Variants in OSTF1 observed in about 807,000 individuals in gnomAD.
OSTF1 encodes osteoclast stimulating factor 1.
OSTF1 carries 27 observed loss-of-function variants against 37.2 expected under a neutral mutation model. The observed-to-expected ratio is 0.73, with a 90% CI of 0.54 to 1.00. The LOEUF (loss-of-function observed/expected upper bound fraction) is 1.00. Among genes scored for constraint, OSTF1 ranks in the 50% least tolerant of loss-of-function variants. The pLI is 0.00. For synonymous variants in OSTF1, 82 were observed against 89.2 expected (o/e 0.92, Z 0.46); for missense variants, 232 against 253.8 (o/e 0.91, Z 0.58).
Position 75,140,860 on chromosome 9 carries a change from G to C in OSTF1, c.514G>C (p.Glu172Gln). 6.2e-7 allele frequency: 1 copy of C among 1,613,608 alleles called. No homozygotes were observed. Among genetic ancestry groups the C allele is most frequent in the South Asian group, 1.1e-5 (1 of 91,056 alleles). Residue 172 changes from glutamate to glutamine, a missense_variant, in exon 9 of 10, where the codon GAG (glutamate) becomes CAG (glutamine). By Grantham distance (29) the Glu-to-Gln change is conservative (BLOSUM62 2). Transcript: ENST00000346234. ...TGCTAGAACAGACTTAAGAAACATT[G>C]AGAAGAAGCTGGCCTTCGACATGGC... ...KGARTDLRNI[E>Q]KKLAFDMATN... is the part of the protein sequence containing the mutation.
intron 9 of OSTF1, among the ~76,000 whole-genome samples, chr9:75,142,420 G>A (rs1346383820): frequency 6.6e-6 from 1 of 152,152 alleles, no homozygotes; most frequent in Non-Finnish European, 1.5e-5. Context: ...CCTGTTGTGT[G>A]GCTACCCTTA....
chr9:75,120,913 C>T (rs949173869), intron 2 of OSTF1, among the ~76,000 whole-genome samples: 9 of 152,184 alleles, frequency 5.9e-5, no homozygotes, highest in African/African-American at 1.9e-4. Context: ...TTAAATACTT[C>T]CTCTTCTGTA....
chr9:75,117,866 T>C (rs538478176), intron 2 of OSTF1, among the ~76,000 whole-genome samples: 1 of 152,366 alleles, frequency 6.6e-6, no homozygotes, highest in African/African-American at 2.4e-5. Context: ...CATACTAACC[T>C]TCCTTCATTC....
At chr9:75,132,679 A>T (rs565073897) in intron 5 of OSTF1, among the ~76,000 whole-genome samples, 1 of 152,314 alleles carries the variant, frequency 6.6e-6, no homozygotes, top group East Asian at 1.9e-4. Flanking sequence ...GAATGTACAC[A>T]AGGAAATTAT....
intron 4 of OSTF1, 77 bp from the exon 5 acceptor site, chr9:75,131,693 G>A (rs1825762526): frequency 9.7e-7 from 1 of 1,033,218 alleles, no homozygotes; most frequent in Non-Finnish European, 1.5e-6. Flanking sequence ...CTGGGGGACT[G>A]TGGTGAATGA....
chr9:75,110,180 T>C (rs1825359675), intron 1 of OSTF1, among the ~76,000 whole-genome samples: 1 of 152,174 alleles, frequency 6.6e-6, no homozygotes, highest in African/African-American at 2.4e-5. Flanking sequence ...GCAGTGATAC[T>C]CTAATAAACC....
intron 9 of OSTF1, among the ~76,000 whole-genome samples, chr9:75,141,950 G>A (rs1825951339): frequency 6.6e-6 from 1 of 151,988 alleles, no homozygotes; most frequent in Non-Finnish European, 1.5e-5. Context: ...GTCTTGCCAT[G>A]TTGTCCAGGT....
At chr9:75,098,407 C>T (rs899587145) in intron 1 of OSTF1, among the ~76,000 whole-genome samples, 5 of 152,138 alleles carry the variant, frequency 3.3e-5, no homozygotes, top group Admixed American at 6.6e-5. Flanking sequence ...CTTAGGCTCT[C>T]GCTACATAGG....
At chr9:75,097,518 C>G (rs1825107978) in intron 1 of OSTF1, among the ~76,000 whole-genome samples, 1 of 152,140 alleles carries the variant, frequency 6.6e-6, no homozygotes, top group South Asian at 2.1e-4. Context: ...GAGTTATAAT[C>G]AAGTTTACAT....
At chr9:75,093,049 TC>T (rs1564151699) in intron 1 of OSTF1, among the ~76,000 whole-genome samples, 1 of 126,554 alleles carries the variant, frequency 7.9e-6, no homozygotes, top group African/African-American at 3.2e-5. Context: ...TTTCTCTCTC[TC>T]TCTTTCTTTC....
intron 2 of OSTF1, among the ~76,000 whole-genome samples, chr9:75,125,258 G>A (rs1376375674): frequency 2.0e-5 from 3 of 152,164 alleles, no homozygotes; most frequent in Admixed American, 2.0e-4. Context: ...ATGCTGGCGT[G>A]CGGAGAGAAT....
intron 9 of OSTF1, among the ~76,000 whole-genome samples, chr9:75,141,461 T>C (rs983329902): frequency 6.6e-6 from 1 of 152,146 alleles, no homozygotes; most frequent in African/African-American, 2.4e-5. Flanking sequence ...TTTACCTTTA[T>C]TGTGTGTTTC....
chr9:75,132,083 C>G (rs972906396), intron 5 of OSTF1, among the ~76,000 whole-genome samples: 3 of 152,104 alleles, frequency 2.0e-5, no homozygotes, highest in African/African-American at 7.2e-5. Flanking sequence ...AGATGCAAGT[C>G]GAAAGACATG....
intron 7 of OSTF1, among the ~76,000 whole-genome samples, chr9:75,136,611 C>T (rs982649897): frequency 2.6e-5 from 4 of 152,134 alleles, no homozygotes; most frequent in Non-Finnish European, 2.9e-5. Flanking sequence ...AGGCTGGTCT[C>T]GAACTCCTGA....
chr9:75,114,554 A>AT (rs34381078), intron 1 of OSTF1, among the ~76,000 whole-genome samples: 3,726 of 137,568 alleles, frequency 0.027, 156 homozygotes, highest in African/African-American at 0.093. Flanking sequence ...TTTAATATTA[A>AT]TTTTTTTTTT....
intron 7 of OSTF1, among the ~76,000 whole-genome samples, chr9:75,136,249 A>T (rs1326842576): frequency 6.6e-6 from 1 of 152,132 alleles, no homozygotes; most frequent in Admixed American, 6.5e-5. Flanking sequence ...TTGCTGATAT[A>T]ATATTTATAA....
At chr9:75,117,477 AGTT>A (rs759003521) in intron 1 of OSTF1, 24 bp from the exon 2 acceptor site, 6 of 1,570,364 alleles carry the variant, frequency 3.8e-6, no homozygotes, top group South Asian at 3.4e-5. Flanking sequence ...TGAAAAATTC[AGTT>A]GTTGTTTTTT....
Position 75,128,384 on chromosome 9 carries a change from A to T in OSTF1, c.132+765A>T, listed in dbSNP as rs866038286. On this transcript the variant is annotated intron_variant, in intron 3 of 9. Coordinates refer to ENST00000346234, the MANE Select transcript of OSTF1 (RefSeq NM_012383.5). ...AAGACATATATATATATATATATAT[A>T]TATATATATATATATATATATATTT... Among the ~76,000 whole-genome samples the T allele has an allele frequency of 6.1e-3, 530 of 86,206 alleles. 48 individuals are homozygous for T. Among genetic ancestry groups the T allele is most frequent in the South Asian group, 0.017 (53 of 3,084 alleles). The allele number at this position is 86,206 out of a possible 152,430, so 56.6% of individuals were successfully genotyped here. A position where few individuals can be genotyped will look rare whatever the true frequency, so the allele number is the denominator to read the frequency against.
chr9:75,092,310 A>G (rs1177254627), intron 1 of OSTF1, among the ~76,000 whole-genome samples: 1 of 152,206 alleles, frequency 6.6e-6, no homozygotes, highest in Admixed American at 6.5e-5. Context: ...GATCAGGGTT[A>G]CCTTGTTTGG....
Sources: gnomAD v4.1 joint callset for allele counts (sites outside exome capture counted in the v4.1 genomes callset) on GRCh38, gnomAD v4.1.1 for gene constraint, MANE v1.5 for transcripts, NCBI Gene and HGNC (gene_info 2026-07-23, HGNC 2026-07-21) for gene names.